Variants in MRPS23 observed in about 807,000 individuals in gnomAD.
MRPS23 encodes mitochondrial ribosomal protein S23.
Under a neutral mutation model 19.8 loss-of-function variants are expected in MRPS23, and 14 were observed. The ratio of observed to expected loss-of-function variants is 0.71; its 90% confidence interval spans 0.47 to 1.11. The LOEUF (loss-of-function observed/expected upper bound fraction) is 1.11, where lower values mean the gene tolerates loss of function less well. MRPS23 is among the 50% of genes least tolerant of loss of function. MRPS23 has a pLI of 0.00. For synonymous variants in MRPS23, 113 were observed against 89.7 expected (o/e 1.26, Z -1.47); for missense variants, 242 against 236.7 (o/e 1.02, Z -0.15).
At chr17:57,845,514 A>G (rs2073766842) in intron 2 of MRPS23, among the ~76,000 whole-genome samples, 1 of 152,238 alleles carries the variant, frequency 6.6e-6, no homozygotes, top group Non-Finnish European at 1.5e-5. Flanking sequence ...AAAAGGAACT[A>G]GACAAATTCA....
chr17:57,841,080 G>C (rs1394475161), intron 3 of MRPS23, 28 bp from the exon 4 acceptor site: 1 of 1,612,946 alleles, frequency 6.2e-7, no homozygotes, highest in Non-Finnish European at 8.5e-7. Context: ...CACATTTTAG[G>C]TATGTTTGTA....
chr17:57,849,521 G>T, intron 1 of MRPS23, 111 bp from the exon 2 acceptor site: 1 of 1,305,632 alleles, frequency 7.7e-7, no homozygotes, highest in Non-Finnish European at 1.0e-6. Context: ...CTGCAACACA[G>T]AACGGGGAAG....
intron 2 of MRPS23, among the ~76,000 whole-genome samples, chr17:57,847,079 G>A (rs892862293): frequency 6.6e-5 from 10 of 151,258 alleles, no homozygotes; most frequent in Non-Finnish European, 1.2e-4. Context: ...GGCGGATCAC[G>A]AGGTCAGGAG....
At chr17:57,849,202 T>C in intron 2 of MRPS23, 38 bp downstream of exon 2, 1 of 1,593,286 alleles carries the variant, frequency 6.3e-7, no homozygotes, top group Non-Finnish European at 8.6e-7. Flanking sequence ...CTTCTGAAGT[T>C]CTGTTGCCTC....
chr17:57,848,166 C>T (rs1460679197), intron 2 of MRPS23, among the ~76,000 whole-genome samples: 1 of 152,070 alleles, frequency 6.6e-6, no homozygotes, highest in African/African-American at 2.4e-5. Context: ...ACAAGCTATC[C>T]TCCCTTATGC....
At chr17:57,842,888 AT>A (rs1332746345) in intron 2 of MRPS23, among the ~76,000 whole-genome samples, 2 of 96,430 alleles carry the variant, frequency 2.1e-5, no homozygotes, top group African/African-American at 8.7e-5. Context: ...AAATATATAT[AT>A]ATACACACAC....
At chr17:57,845,018 C>T (rs963368080) in intron 2 of MRPS23, among the ~76,000 whole-genome samples, 1 of 152,074 alleles carries the variant, frequency 6.6e-6, no homozygotes, top group African/African-American at 2.4e-5. Context: ...CCACCTCAGC[C>T]TCCAGACTAG....
chr17:57,840,173 G>T (rs1445667070), intron 4 of MRPS23, among the ~76,000 whole-genome samples: 1 of 152,134 alleles, frequency 6.6e-6, no homozygotes, highest in Non-Finnish European at 1.5e-5. Context: ...GGATCACGAG[G>T]TCAGGAGATC....
Position 57,849,336 on chromosome 17 carries a change from G to C in MRPS23, c.119C>G (p.Pro40Arg), listed in dbSNP as rs772721937. The change falls in exon 2 of 5, where the codon CCG becomes CGG. Residue 40 changes from proline (P) to arginine (R), a missense_variant. Physicochemically the swap from Pro to Arg is moderately radical, Grantham distance 103 (BLOSUM62 -2). Coordinates refer to ENST00000313608, the MANE Select transcript of MRPS23 (RefSeq NM_016070.4). ...CCTTTGGAAGACGGGCTCCCTCAGCGGGGGAAAGGCGTCATATACGTCAAA... is the reference window on the plus strand; with the variant it reads ...CCTTTGGAAGACGGGCTCCCTCAGCCGGGGAAAGGCGTCATATACGTCAAA... ...LWFDVYDAFP[P>R]LREPVFQRPR... The C allele has an allele frequency of 1.9e-6, 3 of 1,614,194 alleles. No individual in the cohort carries two copies. Among genetic ancestry groups the C allele is most frequent in the East Asian group, 2.2e-5 (1 of 44,890 alleles).
Position 57,849,362 on chromosome 17 carries a change from CCA to C in MRPS23, c.91_92del (p.Trp31ValfsTer2). 1 of 1,614,186 alleles carries C rather than the reference CCA, an allele frequency of 6.2e-7. No homozygotes were observed. Among genetic ancestry groups the C allele is most frequent in the Non-Finnish European group, 8.5e-7 (1 of 1,180,032 alleles). Reference sequence around the variant, plus strand: ...GGGGAAAGGCGTCATATACGTCAAACCACAGGGGCTTCTCCTTCAGCACCCCG... The same window carrying C: ...GGGGAAAGGCGTCATATACGTCAAACCAGGGGCTTCTCCTTCAGCACCCCG... ...RAGVLKEKPLWFDVYDAFPPL... is the reference protein window; with the variant it reads ...RAGVLKEKPLXFDVYDAFPPL... On this transcript the variant is annotated frameshift_variant, in exon 2 of 5. Transcript: ENST00000313608. LOFTEE classifies it high-confidence loss of function.
chr17:57,840,279 C>T (rs1027067772), intron 4 of MRPS23, among the ~76,000 whole-genome samples: 15 of 151,520 alleles, frequency 9.9e-5, no homozygotes, highest in African/African-American at 2.4e-4. Context: ...CCCAGCTACT[C>T]GGGAGGCTGA....
At position 57,839,805 on chromosome 17, in the gene MRPS23, G is replaced by A. The variant is rs751651463; in HGVS notation, c.551C>T (p.Ser184Leu). The A allele has an allele frequency of 9.9e-6, 16 of 1,614,006 alleles. No individual in the cohort carries two copies. The highest frequency in any genetic ancestry group is 3.3e-5 in the Admixed American group (2 of 60,004). ...CCTTCAGGGAGGCAAGAGACCTTTC[G>A]ACTGGTCTGCAGGTGCCTCCAAATG... is the stretch of plus-strand genomic sequence containing the variant. ...DQHLEAPADQSKGLLPP is the reference protein window; with the variant it reads ...DQHLEAPADQLKGLLPP The change falls in exon 5 of 5, where the codon TCG becomes TTG. Residue 184 changes from serine to leucine, a missense_variant. Transcript: ENST00000313608.
intron 2 of MRPS23, among the ~76,000 whole-genome samples, chr17:57,843,379 T>G (rs1274854342): frequency 6.6e-6 from 1 of 152,240 alleles, no homozygotes. Context: ...AATTTGCTTT[T>G]CTTTTTAAAG....
intron 2 of MRPS23, among the ~76,000 whole-genome samples, chr17:57,842,891 T>TATATAC (rs1172458239): frequency 2.6e-5 from 2 of 76,572 alleles, no homozygotes; most frequent in African/African-American, 5.0e-5. Flanking sequence ...TATATATATA[T>TATATAC]ACACACACAC....
At position 57,849,411 on chromosome 17, in the gene MRPS23, C is replaced by T; in HGVS notation, c.45-1G>A. 6.2e-7 allele frequency: 1 copy of T among 1,613,502 alleles called. No homozygotes were observed. Among genetic ancestry groups the T allele is most frequent in the East Asian group, 2.2e-5 (1 of 44,884 alleles). On this transcript the variant is annotated splice_acceptor_variant, in intron 1 of 4. Coordinates refer to ENST00000313608, the MANE Select transcript of MRPS23 (RefSeq NM_016070.4). LOFTEE classifies it high-confidence loss of function. ...CCCGGCCCGAACCAGGTCCCGAGTCCTTAGGGAGGGAACAGAACGAAACTG... is the reference window on the plus strand; with the variant it reads ...CCCGGCCCGAACCAGGTCCCGAGTCTTTAGGGAGGGAACAGAACGAAACTG...
chr17:57,839,672 A>G lies in MRPS23; in HGVS notation c.*111T>C, dbSNP rs1244388606. On this transcript the variant is annotated 3_prime_UTR_variant, in exon 5 of 5. Coordinates refer to ENST00000313608, the MANE Select transcript of MRPS23 (RefSeq NM_016070.4). ...CAGAAATAACTAAGAGAAGGCAAAC[A>G]TAATACCTTAGAGATCAAGAAACAT... 2.2e-6 allele frequency: 3 copies of G among 1,352,734 alleles called. No individual in the cohort carries two copies. Among genetic ancestry groups the G allele is most frequent in the African/African-American group, 1.4e-5 (1 of 69,006 alleles). 83.8% of individuals were successfully genotyped at this position (1,352,734 alleles called of 1,614,324 possible).
chr17:57,841,120 C>A (rs2073737537), intron 3 of MRPS23, 63 bp downstream of exon 3: 8 of 1,609,522 alleles, frequency 5.0e-6, no homozygotes, highest in Non-Finnish European at 6.8e-6. Context: ...TACACAATAT[C>A]AAATGGATAA....
chr17:57,841,112 C>T (rs1317489682), intron 3 of MRPS23, 60 bp from the exon 4 acceptor site: 1 of 1,610,546 alleles, frequency 6.2e-7, no homozygotes, highest in Non-Finnish European at 8.5e-7. Context: ...GACGCTGTTA[C>T]ACAATATCAA....
At chr17:57,842,302 T>C (rs2073744529) in intron 2 of MRPS23, among the ~76,000 whole-genome samples, 1 of 152,144 alleles carries the variant, frequency 6.6e-6, no homozygotes, top group Non-Finnish European at 1.5e-5. Context: ...GCATGAGCCA[T>C]TGTCCCCAGC....
Sources: gnomAD v4.1 joint callset for allele counts (sites outside exome capture counted in the v4.1 genomes callset) on GRCh38, gnomAD v4.1.1 for gene constraint, MANE v1.5 for transcripts, NCBI Gene and HGNC (gene_info 2026-07-23, HGNC 2026-07-21) for gene names.